Variants in DOCK5 observed in about 807,000 individuals in gnomAD.
DOCK5 encodes dedicator of cytokinesis 5, also known as dedicator of cytokinesis protein 5.
A neutral mutation model predicts 251.8 loss-of-function variants in DOCK5; 142 were observed. The observed-to-expected ratio is 0.56, with a 90% CI of 0.49 to 0.65. The LOEUF (loss-of-function observed/expected upper bound fraction) is 0.65. Among genes scored for constraint, DOCK5 ranks in the 30% least tolerant of loss-of-function variants. DOCK5 has a pLI of 0.00. For synonymous variants in DOCK5, 842 were observed against 835.5 expected (o/e 1.01, Z -0.13); for missense variants, 2,111 against 2,312.3 (o/e 0.91, Z 1.79).
intron 7 of DOCK5, among the ~76,000 whole-genome samples, chr8:25,298,225 GA>G (rs1157827189): frequency 6.6e-6 from 1 of 152,058 alleles, no homozygotes. Flanking sequence ...GCATGGTCAT[GA>G]TAATATTTGT....
At chr8:25,211,048 A>G (rs1802118137) in intron 1 of DOCK5, among the ~76,000 whole-genome samples, 1 of 71,096 alleles carries the variant, frequency 1.4e-5, no homozygotes, top group African/African-American at 3.2e-5. Context: ...GTTCATTACC[A>G]GCAATGGGCT....
chr8:25,268,709 T>C (rs1012771747), intron 2 of DOCK5, 136 bp from the exon 3 acceptor site: 5 of 681,980 alleles, frequency 7.3e-6, no homozygotes, highest in Non-Finnish European at 1.2e-5. Flanking sequence ...ACATTCATCT[T>C]CTAACGTACT....
intron 1 of DOCK5, among the ~76,000 whole-genome samples, chr8:25,223,137 A>G (rs958794430): frequency 1.3e-5 from 2 of 152,158 alleles, no homozygotes; most frequent in African/African-American, 4.8e-5. Context: ...GATTGGGACT[A>G]TTGATATGTG....
intron 18 of DOCK5, among the ~76,000 whole-genome samples, chr8:25,330,129 G>C: frequency 6.6e-6 from 1 of 152,202 alleles, no homozygotes; most frequent in Non-Finnish European, 1.5e-5. Flanking sequence ...TGAGTCAAGT[G>C]ATGGAATGAG....
intron 26 of DOCK5, 42 bp from the exon 27 acceptor site, chr8:25,351,689 C>A: frequency 6.6e-7 from 1 of 1,518,900 alleles, no homozygotes; most frequent in Non-Finnish European, 9.1e-7. Context: ...GAAAGTGAAA[C>A]TGAGTCAGAA....
chr8:25,379,772 G>A (rs1394830171), intron 38 of DOCK5, among the ~76,000 whole-genome samples: 1 of 151,878 alleles, frequency 6.6e-6, no homozygotes, highest in Admixed American at 6.6e-5. Flanking sequence ...CCTCCATTCG[G>A]GGTCCCTGAC....
At chr8:25,318,236 C>T (rs1366311696) in intron 14 of DOCK5, among the ~76,000 whole-genome samples, 4 of 137,984 alleles carry the variant, frequency 2.9e-5, no homozygotes, top group East Asian at 4.3e-4. Flanking sequence ...TACAGGTGCT[C>T]GCCACCATGC....
chr8:25,214,733 A>G (rs1261002816), intron 1 of DOCK5, among the ~76,000 whole-genome samples: 1 of 152,072 alleles, frequency 6.6e-6, no homozygotes, highest in African/African-American at 2.4e-5. Context: ...TTGGTCATTA[A>G]TCTTCCACAA....
chr8:25,246,628 C>T (rs1361169037), intron 2 of DOCK5, among the ~76,000 whole-genome samples: 1 of 151,758 alleles, frequency 6.6e-6, no homozygotes, highest in Non-Finnish European at 1.5e-5. Flanking sequence ...AAAGCAGCCC[C>T]AGATGCTGAG....
At chr8:25,256,699 A>C (rs1457697128) in intron 2 of DOCK5, among the ~76,000 whole-genome samples, 1 of 151,854 alleles carries the variant, frequency 6.6e-6, no homozygotes, top group Non-Finnish European at 1.5e-5. Context: ...CAAAGGGTGA[A>C]ATTTTTTCTT....
At chr8:25,364,918 T>TA (rs3215160) in intron 30 of DOCK5, 1,302 of 388,846 alleles carry the variant, frequency 3.3e-3, no homozygotes, top group Admixed American at 4.5e-3. Context: ...GTAACATATG[T>TA]AAAAAAAAAA....
intron 6 of DOCK5, among the ~76,000 whole-genome samples, chr8:25,295,939 C>T (rs192744149): frequency 7.9e-5 from 12 of 152,190 alleles, no homozygotes; most frequent in African/African-American, 2.6e-4. Flanking sequence ...CACACCTCAG[C>T]CCCCCAAGTA....
chr8:25,239,006 G>T (rs1802871948), intron 1 of DOCK5, among the ~76,000 whole-genome samples: 1 of 152,182 alleles, frequency 6.6e-6, no homozygotes, highest in Non-Finnish European at 1.5e-5. Flanking sequence ...GAAAATTGTT[G>T]TGGAATGTCA....
chr8:25,257,878 T>C (rs548961674), intron 2 of DOCK5, among the ~76,000 whole-genome samples: 4 of 152,320 alleles, frequency 2.6e-5, no homozygotes, highest in African/African-American at 9.6e-5. Context: ...CAAAACCACA[T>C]GCTACCTCCT....
At chr8:25,312,480 C>T (rs944145402) in intron 13 of DOCK5, among the ~76,000 whole-genome samples, 3 of 152,024 alleles carry the variant, frequency 2.0e-5, no homozygotes, top group African/African-American at 4.8e-5. Context: ...ATCTAGAATA[C>T]GGCCAGGCCA....
intron 5 of DOCK5, among the ~76,000 whole-genome samples, chr8:25,285,153 T>TA (rs200273779): frequency 0.036 from 5,416 of 149,592 alleles, 338 homozygotes; most frequent in African/African-American, 0.13. Flanking sequence ...TTATTATTAT[T>TA]TTTTTTTTTG....
At position 25,374,547 on chromosome 8, in the gene DOCK5, T is replaced by G; in HGVS notation, c.3726-17T>G. The stretch of plus-strand genomic sequence containing the variant: ...ACTCTCGAGTGACAAAATGCTTCCT[T>G]CTCCCCTTCTTGCCAGATATCTGTA... On this transcript the variant is annotated splice_polypyrimidine_tract_variant and intron_variant, in intron 36 of 51. Coordinates refer to ENST00000276440, the MANE Select transcript of DOCK5 (RefSeq NM_024940.8). The G allele has an allele frequency of 6.3e-7, 1 of 1,591,432 alleles. No individual in the cohort carries two copies. The highest frequency in any genetic ancestry group is 8.5e-7 in the Non-Finnish European group (1 of 1,172,266).
chr8:25,302,129 T>G (rs548341593), intron 9 of DOCK5, among the ~76,000 whole-genome samples, 196 bp from the exon 10 acceptor site: 7 of 152,330 alleles, frequency 4.6e-5, no homozygotes, highest in Non-Finnish European at 7.4e-5. Flanking sequence ...AGCACTTGTT[T>G]ACAAGCACAA....
At chr8:25,348,744 G>A (rs927954267) in intron 26 of DOCK5, among the ~76,000 whole-genome samples, 14 of 151,692 alleles carry the variant, frequency 9.2e-5, no homozygotes, top group African/African-American at 2.2e-4. Context: ...AGGCTGAGGC[G>A]GGAGAATCAC....
Sources: gnomAD v4.1 joint callset for allele counts (sites outside exome capture counted in the v4.1 genomes callset) on GRCh38, gnomAD v4.1.1 for gene constraint, MANE v1.5 for transcripts, NCBI Gene and HGNC (gene_info 2026-07-23, HGNC 2026-07-21) for gene names.